Variants in NXN observed in about 807,000 individuals in gnomAD.
NXN encodes nucleoredoxin 1.
Under a neutral mutation model 48.6 loss-of-function variants are expected in NXN, and 16 were observed. The ratio of observed to expected loss-of-function variants is 0.33; its 90% confidence interval spans 0.22 to 0.50. NXN has a LOEUF of 0.50. NXN is among the 20% of genes least tolerant of loss of function. The pLI, the probability that NXN is intolerant of heterozygous loss-of-function variation, is 0.98. For missense variants in NXN, 492 were observed against 605.5 expected (o/e 0.81, Z 1.97); for synonymous variants, 281 against 269.6 (o/e 1.04, Z -0.41).
intron 1 of NXN, among the ~76,000 whole-genome samples, chr17:827,439 G>T (rs1364568611): frequency 6.6e-6 from 1 of 152,108 alleles, no homozygotes; most frequent in Non-Finnish European, 1.5e-5. Context: ...TGGCTAACAC[G>T]GTGAAACCCC....
chr17:953,810 G>A (rs953933897), intron 1 of NXN, among the ~76,000 whole-genome samples: 1 of 151,976 alleles, frequency 6.6e-6, no homozygotes, highest in African/African-American at 2.4e-5. Flanking sequence ...GGTGACACGC[G>A]CCTGTAGTCC....
intron 1 of NXN, among the ~76,000 whole-genome samples, chr17:924,901 G>A (rs917540176): frequency 2.6e-5 from 4 of 151,972 alleles, no homozygotes; most frequent in African/African-American, 7.2e-5. Flanking sequence ...AGGAAGTACA[G>A]GTACACAGAG....
intron 1 of NXN, among the ~76,000 whole-genome samples, chr17:838,179 T>C (rs1335692578): frequency 8.0e-6 from 1 of 125,542 alleles, no homozygotes; most frequent in Non-Finnish European, 1.6e-5. Flanking sequence ...TCGCCCAGGC[T>C]GGAGTGCAGT....
At chr17:913,883 TTTTTA>T (rs1396180566) in intron 1 of NXN, among the ~76,000 whole-genome samples, 6 of 152,098 alleles carry the variant, frequency 3.9e-5, no homozygotes, top group South Asian at 2.1e-4. Flanking sequence ...TCGCGGAAGA[TTTTTA>T]TTTTATTATT....
At chr17:833,476 C>T (rs1913610339) in intron 1 of NXN, among the ~76,000 whole-genome samples, 1 of 152,140 alleles carries the variant, frequency 6.6e-6, no homozygotes, top group Non-Finnish European at 1.5e-5. Flanking sequence ...CAGCAAGATT[C>T]ACCTCTGCAC....
chr17:844,291 G>A (rs886321013), intron 1 of NXN, among the ~76,000 whole-genome samples: 1 of 149,252 alleles, frequency 6.7e-6, no homozygotes, highest in Non-Finnish European at 1.5e-5. Context: ...GTGGCGGCCA[G>A]GCCATCACAC....
Position 979,449 on chromosome 17 carries a change from G to T in NXN, c.230C>A (p.Ala77Glu). The T allele has an allele frequency of 8.1e-7, 1 of 1,231,886 alleles. No individual in the cohort carries two copies. Among genetic ancestry groups the T allele is most frequent in the Non-Finnish European group, 1.0e-6 (1 of 979,012 alleles). The allele number at this position is 1,231,886 out of a possible 1,614,324, so 76.3% of individuals were successfully genotyped here. ...GCGCCGCCGCGGCTCGGGCTCCGCC[G>T]CCGCCCCGGCCCCCGCTCCCGGCCC... is the stretch of plus-strand genomic sequence containing the variant. Reference protein sequence around the residue: ...GPGPGAGAGAAAEPEPRRRLE... With the variant: ...GPGPGAGAGAEAEPEPRRRLE... Residue 77 changes from alanine (A) to glutamate (E), a missense_variant, in exon 1 of 8, where the codon GCG becomes GAG. By Grantham distance (107) the Ala-to-Glu change is moderately radical. Around this residue, in one of 3 missense-constraint regions of NXN, gnomAD observed 186 missense variants for 199.1 expected, o/e 0.93. Coordinates refer to ENST00000336868, the MANE Select transcript of NXN (RefSeq NM_022463.5).
chr17:895,589 G>A (rs1158995044), intron 1 of NXN, among the ~76,000 whole-genome samples: 4 of 150,776 alleles, frequency 2.7e-5, no homozygotes, highest in South Asian at 2.1e-4. Context: ...GAGGTGGGCG[G>A]ATCACAGGGT....
Position 972,963 on chromosome 17 carries a change from G to A in NXN, c.360+6356C>T, listed in dbSNP as rs112821063. On this transcript the variant is annotated intron_variant, in intron 1 of 7. Coordinates refer to ENST00000336868, the MANE Select transcript of NXN (RefSeq NM_022463.5). ...GGAGAATGGCAGGAACCCGGGAGGCGGAGATTGCGGTGAGCCCAGATCGCT... is the reference window on the plus strand; with the variant it reads ...GGAGAATGGCAGGAACCCGGGAGGCAGAGATTGCGGTGAGCCCAGATCGCT... 5.1e-3 allele frequency among the ~76,000 whole-genome samples: 771 copies of A among 152,048 alleles called. 7 individuals are homozygous for A. Among genetic ancestry groups the A allele is most frequent in the African/African-American group, 0.018 (730 of 41,432 alleles).
intron 1 of NXN, chr17:897,000 C>A (rs1048258159): frequency 3.5e-5 from 40 of 1,143,322 alleles, no homozygotes; most frequent in Middle Eastern, 2.5e-4. Flanking sequence ...GCGGCAGATA[C>A]ACGGACTCCG....
At position 801,101 on chromosome 17, in the gene NXN, T is replaced by C. The variant is rs1227913313; in HGVS notation, c.1156A>G (p.Thr386Ala). ...AAAGGGGCAGCCTCAGGCAGGTTGGTGTAATCTCGCAGGGAGTCAGTCATG... is the reference window on the plus strand; with the variant it reads ...AAAGGGGCAGCCTCAGGCAGGTTGGCGTAATCTCGCAGGGAGTCAGTCATG... The part of the protein sequence containing the change: ...DDMTDSLRDY[T>A]NLPEAAPLLT... The change falls in exon 8 of 8, where the codon ACC becomes GCC. Residue 386 changes from threonine (T) to alanine (A), a missense_variant. Coordinates refer to ENST00000336868, the MANE Select transcript of NXN (RefSeq NM_022463.5). 3 of 1,563,012 alleles carry C rather than the reference T, an allele frequency of 1.9e-6. No individual in the cohort carries two copies. The highest frequency in any genetic ancestry group is 2.6e-6 in the Non-Finnish European group (3 of 1,154,650).
intron 1 of NXN, among the ~76,000 whole-genome samples, chr17:831,753 G>A (rs1311770474): frequency 1.3e-5 from 2 of 151,734 alleles, no homozygotes; most frequent in African/African-American, 4.9e-5. Context: ...AAGCACCTTG[G>A]CCTCCCAAAG....
chr17:854,991 A>T (rs1426523875), intron 1 of NXN, among the ~76,000 whole-genome samples: 1 of 151,922 alleles, frequency 6.6e-6, no homozygotes, highest in Non-Finnish European at 1.5e-5. Flanking sequence ...TTTTTTATAT[A>T]GAAGCTGAGT....
chr17:961,283 G>A (rs2150629030), intron 1 of NXN, among the ~76,000 whole-genome samples: 1 of 152,082 alleles, frequency 6.6e-6, no homozygotes, highest in African/African-American at 2.4e-5. Flanking sequence ...CACTTGGGAG[G>A]CTGAGGCGGG....
At chr17:931,451 CAAA>C (rs199620868) in intron 1 of NXN, among the ~76,000 whole-genome samples, 1 of 123,680 alleles carries the variant, frequency 8.1e-6, no homozygotes. Context: ...GGCCCTGTCT[CAAA>C]AAAAAAAAAC....
intron 1 of NXN, among the ~76,000 whole-genome samples, chr17:866,711 CGTT>C (rs2068099139): frequency 6.6e-6 from 1 of 152,206 alleles, no homozygotes; most frequent in Admixed American, 6.5e-5. Context: ...CAGCCTCTAA[CGTT>C]GTTCAATTTC....
At chr17:861,137 CTCTT>C (rs3062170) in intron 1 of NXN, among the ~76,000 whole-genome samples, 1 of 151,844 alleles carries the variant, frequency 6.6e-6, no homozygotes, top group African/African-American at 2.4e-5. Context: ...AATTTCTCAG[CTCTT>C]TCTTTTTTTT....
intron 1 of NXN, among the ~76,000 whole-genome samples, chr17:922,358 C>G (rs1416512847): frequency 3.9e-5 from 6 of 152,000 alleles, no homozygotes; most frequent in Non-Finnish European, 8.8e-5. Context: ...GTAGGAGAAT[C>G]ACTTGAACCC....
intron 1 of NXN, among the ~76,000 whole-genome samples, chr17:829,103 AG>A (rs997133567): frequency 2.8e-5 from 4 of 144,196 alleles, no homozygotes; most frequent in Non-Finnish European, 6.1e-5. Context: ...CCAGTTCGCT[AG>A]GGGGAAAAAA....
Sources: allele counts gnomAD v4.1 joint callset (sites outside exome capture counted in the v4.1 genomes callset), GRCh38; gene constraint gnomAD v4.1.1; regional missense constraint gnomAD v4.1.1; transcripts MANE v1.5; gene names NCBI Gene and HGNC (gene_info 2026-07-23, HGNC 2026-07-21).